The following MYO5A variants were observed in gnomAD, a reference collection of about 807,000 sequenced individuals.
MYO5A encodes unconventional myosin-Va.
In MYO5A, 98 loss-of-function variants were observed where a neutral mutation model predicts 249.7. The observed-to-expected ratio is 0.39, with a 90% CI of 0.33 to 0.46. The LOEUF (loss-of-function observed/expected upper bound fraction) is 0.46, where lower values mean the gene tolerates loss of function less well. Among genes scored for constraint, MYO5A ranks in the 20% least tolerant of loss-of-function variants. MYO5A has a pLI of 0.98. For synonymous variants in MYO5A, 778 were observed against 810.6 expected (o/e 0.96, Z 0.68); for missense variants, 1,696 against 2,308.8 (o/e 0.73, Z 5.44).
At chr15:52,526,822 A>T (rs915106682) in intron 1 of MYO5A, among the ~76,000 whole-genome samples, 1 of 152,200 alleles carries the variant, frequency 6.6e-6, no homozygotes, top group African/African-American at 2.4e-5. Flanking sequence ...TCCTGGGGGA[A>T]AAAAGCATTC....
chr15:52,376,923 C>A (rs920600042), intron 18 of MYO5A, among the ~76,000 whole-genome samples: 2 of 152,016 alleles, frequency 1.3e-5, no homozygotes, highest in Non-Finnish European at 2.9e-5. Context: ...AGGATTACAG[C>A]GGGCTGTATA....
chr15:52,449,586 C>T (rs1350039359), intron 1 of MYO5A, among the ~76,000 whole-genome samples: 1 of 152,218 alleles, frequency 6.6e-6, no homozygotes, highest in Non-Finnish European at 1.5e-5. Flanking sequence ...TTCCTTCCTG[C>T]CTCTCTAATC....
intron 23 of MYO5A, among the ~76,000 whole-genome samples, chr15:52,365,314 G>A (rs561854067): frequency 9.2e-5 from 14 of 152,248 alleles, no homozygotes; most frequent in Non-Finnish European, 4.4e-5. Context: ...TCATCCCCAC[G>A]CGCTGCTGAG....
chr15:52,470,377 C>T (rs528670743), intron 1 of MYO5A, among the ~76,000 whole-genome samples: 30 of 152,240 alleles, frequency 2.0e-4, no homozygotes, highest in Admixed American at 4.6e-4. Flanking sequence ...TTGGGCCAGG[C>T]GCAGTGGCTC....
At chr15:52,385,910 C>T (rs762954798) in intron 14 of MYO5A, among the ~76,000 whole-genome samples, 2 of 152,170 alleles carry the variant, frequency 1.3e-5, no homozygotes, top group African/African-American at 2.4e-5. Context: ...CACAGACTGG[C>T]AGTCACTGCA....
intron 40 of MYO5A, among the ~76,000 whole-genome samples, chr15:52,316,497 T>G (rs1427608556): frequency 1.3e-5 from 2 of 152,204 alleles, no homozygotes; most frequent in Non-Finnish European, 2.9e-5. Context: ...GTAGAGTCAG[T>G]TGGATACGAC....
rs752559597 is a variant in MYO5A at position 52,354,666 on chromosome 15, CAACACGGTGA to C, written c.3424-662_3424-653del. Among the ~76,000 whole-genome samples, 15 of 152,100 alleles carry C rather than the reference CAACACGGTGA, an allele frequency of 9.9e-5. No individual in the cohort carries two copies. In the South Asian group the frequency reaches 1.0e-3, roughly 11 times the overall value. ...GTCAGGAGTTCAAGACCAGCCTGAC[CAACACGGTGA>C]AACCCCATCTCTGCTAAAAATATAA... On this transcript the variant is annotated intron_variant, in intron 25 of 41. Coordinates refer to ENST00000399233, the MANE Select transcript of MYO5A (RefSeq NM_001382347.1).
chr15:52,515,702 G>C (rs1354791448), intron 1 of MYO5A, among the ~76,000 whole-genome samples: 1 of 152,194 alleles, frequency 6.6e-6, no homozygotes, highest in Non-Finnish European at 1.5e-5. Context: ...GGGGGCTTGT[G>C]AAGATGTCCA....
chr15:52,319,065 C>A lies in MYO5A; in HGVS notation c.5229G>T (p.Gln1743His). The A allele has an allele frequency of 6.2e-7, 1 of 1,614,212 alleles. No individual in the cohort carries two copies. The highest frequency in any genetic ancestry group is 8.5e-7 in the Non-Finnish European group (1 of 1,180,044). The change falls in exon 39 of 42, where the codon CAG (glutamine) becomes CAT (histidine). Residue 1743 changes from glutamine to histidine, a missense_variant. Around this residue, in one of 5 missense-constraint regions of MYO5A, gnomAD observed 625 missense variants for 908.1 expected, o/e 0.69. Transcript: ENST00000399233. ...KDMCSWSKGM[Q>H]IRYNVSQLEE... ...AGGTGTTGGCATTTGCTCACCTGAT[C>A]TGCATGCCTTTACTCCAGGAGCACA...
intron 24 of MYO5A, among the ~76,000 whole-genome samples, chr15:52,361,430 C>G (rs1010566145): frequency 4.1e-4 from 62 of 152,094 alleles, no homozygotes; most frequent in African/African-American, 1.4e-3. Flanking sequence ...CAAGGAATAC[C>G]TTAAGGCATT....
chr15:52,506,696 G>A (rs746416589), intron 1 of MYO5A, among the ~76,000 whole-genome samples: 52 of 151,990 alleles, frequency 3.4e-4, no homozygotes, highest in Non-Finnish European at 4.1e-4. Context: ...ATTAGCCGGC[G>A]TGGTTGCCTG....
In MYO5A at chr15:52,356,812, TTTTTTTA is replaced by T. The variant is rs1021582610; in HGVS notation, c.3424-2805_3424-2799del. ...TGCATTTCTTTGACTTTTTTTTTTTTTTTTTTATTTTCAGGAATTGTATATTAATTAG... is the reference window on the plus strand; with the variant it reads ...TGCATTTCTTTGACTTTTTTTTTTTTTTTTCAGGAATTGTATATTAATTAG... On this transcript the variant is annotated intron_variant, in intron 25 of 41. Coordinates refer to ENST00000399233, the MANE Select transcript of MYO5A (RefSeq NM_001382347.1). Among the ~76,000 whole-genome samples the T allele has an allele frequency of 5.8e-4, 73 of 125,814 alleles. No individual in the cohort carries two copies. The East Asian group carries it at 0.014, about 24-fold the overall frequency. The allele number at this position is 125,814 out of a possible 152,430, so 82.5% of individuals were successfully genotyped here.
intron 25 of MYO5A, among the ~76,000 whole-genome samples, chr15:52,356,986 CT>C (rs1471797975): frequency 6.6e-6 from 1 of 151,888 alleles, no homozygotes; most frequent in Non-Finnish European, 1.5e-5. Flanking sequence ...TACACCTGAA[CT>C]TTTTCTTTCT....
intron 24 of MYO5A, among the ~76,000 whole-genome samples, chr15:52,362,067 C>G (rs550359515): frequency 6.6e-6 from 1 of 152,334 alleles, no homozygotes; most frequent in South Asian, 2.1e-4. Flanking sequence ...GGTCCTTCCT[C>G]TTTGCCTCTG....
intron 29 of MYO5A, among the ~76,000 whole-genome samples, chr15:52,347,286 T>TG (rs1332919246): frequency 1.3e-5 from 2 of 152,092 alleles, no homozygotes; most frequent in Non-Finnish European, 2.9e-5. Flanking sequence ...GTTCCACACA[T>TG]GGAACTATGT....
intron 11 of MYO5A, among the ~76,000 whole-genome samples, chr15:52,393,593 C>T (rs2042354898): frequency 6.6e-6 from 1 of 152,034 alleles, no homozygotes; most frequent in African/African-American, 2.4e-5. Flanking sequence ...CGGGGTTTCA[C>T]CGTGTTAGCC....
intron 40 of MYO5A, among the ~76,000 whole-genome samples, chr15:52,315,812 C>T (rs940927658): frequency 8.0e-5 from 12 of 150,504 alleles, no homozygotes; most frequent in Middle Eastern, 3.6e-3. Context: ...CCACCATGCC[C>T]GGCTAATTTT....
rs547114467 is a variant in MYO5A, at chr15:52,387,590, A to C, written c.1752+239T>G. ...TTGGCTTGAAAACTCGGTAGCCATG[A>C]AGTCTCTGTGTCTCAGGTGCCTCAT... is the stretch of plus-strand genomic sequence containing the variant. On this transcript the variant is annotated intron_variant, in intron 14 of 41. Coordinates refer to ENST00000399233, the MANE Select transcript of MYO5A (RefSeq NM_001382347.1). Among the ~76,000 whole-genome samples the C allele has an allele frequency of 4.6e-5, 7 of 152,314 alleles. No individual in the cohort carries two copies. The East Asian group carries it at 1.2e-3, about 25-fold the overall frequency.
At chr15:52,410,181 C>G in intron 6 of MYO5A, 152 bp downstream of exon 6, 1 of 970,090 alleles carries the variant, frequency 1.0e-6, no homozygotes, top group Non-Finnish European at 1.6e-6. Flanking sequence ...TAACAGGCAC[C>G]ATTTTACAGG....
Sources: gnomAD v4.1 joint callset for allele counts (sites outside exome capture counted in the v4.1 genomes callset) on GRCh38, gnomAD v4.1.1 for gene constraint, gnomAD v4.1.1 regional missense constraint, MANE v1.5 for transcripts, NCBI Gene and HGNC (gene_info 2026-07-23, HGNC 2026-07-21) for gene names.